Variants in LRP6 observed in about 807,000 individuals in gnomAD.
LRP6 encodes LDL receptor related protein 6.
In LRP6, 43 loss-of-function variants were observed where a neutral mutation model predicts 184.1. The observed-to-expected ratio is 0.23, with a 90% CI of 0.18 to 0.30. The LOEUF (loss-of-function observed/expected upper bound fraction) is 0.30. Ranked by LOEUF, LRP6 falls within the 10% of genes least tolerant of loss-of-function variation. LRP6 has a pLI of 1.00. For synonymous variants in LRP6, 719 were observed against 684.9 expected (o/e 1.05, Z -0.78); for missense variants, 1,571 against 2,005.3 (o/e 0.78, Z 4.14).
At chr12:12,186,888 T>C in intron 4 of LRP6, 35 bp downstream of exon 4, 1 of 1,583,868 alleles carries the variant, frequency 6.3e-7, no homozygotes, top group South Asian at 1.1e-5. Context: ...ACAAAGCTGT[T>C]CCAACTTGCA....
intron 7 of LRP6, among the ~76,000 whole-genome samples, chr12:12,176,209 G>C (rs995065690): frequency 3.3e-5 from 5 of 152,146 alleles, no homozygotes; most frequent in African/African-American, 1.2e-4. Context: ...ATCAGGAGGG[G>C]GGGTGGTGGC....
intron 2 of LRP6, among the ~76,000 whole-genome samples, chr12:12,218,285 C>A (rs905043597): frequency 5.9e-5 from 9 of 151,958 alleles, no homozygotes; most frequent in African/African-American, 2.2e-4. Context: ...CCAGCCTGGG[C>A]AACATAACGA....
intron 16 of LRP6, among the ~76,000 whole-genome samples, chr12:12,136,448 T>C (rs892565445): frequency 1.3e-5 from 2 of 152,256 alleles, no homozygotes; most frequent in Non-Finnish European, 2.9e-5. Flanking sequence ...AGGTAACTTG[T>C]AATACTATAA....
chr12:12,204,124 T>C (rs1453674528), intron 2 of LRP6, among the ~76,000 whole-genome samples: 1 of 152,140 alleles, frequency 6.6e-6, no homozygotes, highest in Non-Finnish European at 1.5e-5. Context: ...GATATACCTT[T>C]ACAGAACATA....
At chr12:12,145,618 CTTTTTCTTTTTTTT>C (rs1473704919) in intron 15 of LRP6, among the ~76,000 whole-genome samples, 3 of 80,512 alleles carry the variant, frequency 3.7e-5, no homozygotes, top group African/African-American at 1.4e-4. Flanking sequence ...TTTCTTTTTT[CTTTTTCTTTTTTTT>C]TTTTTTTTTT....
In LRP6 at chr12:12,165,283, C is replaced by A; in HGVS notation, c.1558G>T (p.Asp520Tyr). Reference sequence around the variant, plus strand: ...ACTAGTACTCGTCTCCCAGTGCCATCAGTATTCATAACCTTCAGGTTTAAA... The same window carrying A: ...ACTAGTACTCGTCTCCCAGTGCCATAAGTATTCATAACCTTCAGGTTTAAA... ...KTDKIEVMNT[D>Y]GTGRRVLVED... is the part of the protein sequence containing the mutation. The change falls in exon 8 of 23, where the codon GAT becomes TAT. Residue 520 changes from aspartate to tyrosine, a missense_variant. Transcript: ENST00000261349. The A allele has an allele frequency of 6.2e-7, 1 of 1,611,822 alleles. No homozygotes were observed. The highest frequency in any genetic ancestry group is 8.5e-7 in the Non-Finnish European group (1 of 1,178,096).
intron 2 of LRP6, among the ~76,000 whole-genome samples, chr12:12,240,432 C>A (rs559680984): frequency 1.3e-5 from 2 of 152,072 alleles, no homozygotes; most frequent in Non-Finnish European, 2.9e-5. Flanking sequence ...ATTAGCTAGG[C>A]AAAGTGGCAG....
rs202025526 is a variant in LRP6 at position 12,165,333 on chromosome 12, T to C, written c.1546-38A>G. ...ATTCAAAAGAGAAGGGGATGAATTATGCATTTATTCTTCAGCTAAAAATAA... is the reference window on the plus strand; with the variant it reads ...ATTCAAAAGAGAAGGGGATGAATTACGCATTTATTCTTCAGCTAAAAATAA... On this transcript the variant is annotated intron_variant, in intron 7 of 22. Transcript: ENST00000261349. 214 of 1,402,792 alleles carry C rather than the reference T, an allele frequency of 1.5e-4. 1 individual carries two copies. The African/African-American group carries it at 2.8e-3, about 18-fold the overall frequency. The allele number at this position is 1,402,792 out of a possible 1,614,324, so 86.9% of individuals were successfully genotyped here.
At chr12:12,193,903 C>T (rs1380523982) in intron 3 of LRP6, among the ~76,000 whole-genome samples, 1 of 152,110 alleles carries the variant, frequency 6.6e-6, no homozygotes, top group Admixed American at 6.5e-5. Context: ...AAACAGACTA[C>T]GGATTAATAT....
intron 2 of LRP6, among the ~76,000 whole-genome samples, chr12:12,223,221 C>CA (rs1373499808): frequency 6.6e-6 from 1 of 150,806 alleles, no homozygotes; most frequent in Admixed American, 6.6e-5. Context: ...TGAATTTTCC[C>CA]AAACCTTTTA....
intron 2 of LRP6, among the ~76,000 whole-genome samples, chr12:12,241,555 A>G (rs1442711517): frequency 6.6e-6 from 1 of 152,182 alleles, no homozygotes; most frequent in Non-Finnish European, 1.5e-5. Flanking sequence ...CGTTTTTAAA[A>G]TAACCATGAC....
At chr12:12,207,943 A>T (rs984931294) in intron 2 of LRP6, among the ~76,000 whole-genome samples, 5 of 152,230 alleles carry the variant, frequency 3.3e-5, no homozygotes, top group Admixed American at 6.5e-5. Flanking sequence ...AAAGCCAGGC[A>T]TAAGAAATAT....
chr12:12,129,645 C>T (rs1330390405), intron 19 of LRP6, among the ~76,000 whole-genome samples: 1 of 151,982 alleles, frequency 6.6e-6, no homozygotes, highest in African/African-American at 2.4e-5. Context: ...CTCCACCTCC[C>T]GGGTTCAAAC....
At chr12:12,155,821 A>T (rs1397986480) in intron 12 of LRP6, 1 of 664,092 alleles carries the variant, frequency 1.5e-6, no homozygotes. Flanking sequence ...AAAAAAAAAA[A>T]GGTTAAATAA....
At chr12:12,258,291 A>AT (rs1865521790) in intron 1 of LRP6, among the ~76,000 whole-genome samples, 2 of 152,118 alleles carry the variant, frequency 1.3e-5, no homozygotes, top group Admixed American at 6.5e-5. Context: ...TAATTTTTTA[A>AT]TTTTTTATAG....
At chr12:12,239,135 T>G (rs1451957420) in intron 2 of LRP6, among the ~76,000 whole-genome samples, 1 of 152,158 alleles carries the variant, frequency 6.6e-6, no homozygotes, top group Non-Finnish European at 1.5e-5. Flanking sequence ...GTTCTAGGAT[T>G]CAAGGGATAG....
chr12:12,116,689 C>T lies in LRP6; in HGVS notation c.*4437G>A, dbSNP rs950834039. ...AATCTAACAGTTCGTTAGGTCTGTACTCTGCTTCTAAATACAAGACATCAT... is the reference window on the plus strand; with the variant it reads ...AATCTAACAGTTCGTTAGGTCTGTATTCTGCTTCTAAATACAAGACATCAT... On this transcript the variant is annotated 3_prime_UTR_variant, in exon 23 of 23. Coordinates refer to ENST00000261349, the MANE Select transcript of LRP6 (RefSeq NM_002336.3). 6.6e-6 allele frequency: 1 copy of T among 152,200 alleles called. No individual in the cohort carries two copies. The highest frequency in any genetic ancestry group is 1.5e-5 in the Non-Finnish European group (1 of 68,054). The allele number at this position is 152,200 out of a possible 1,614,324, so 9.4% of individuals were successfully genotyped here. A position where few individuals can be genotyped will look rare whatever the true frequency, so the allele number is the denominator to read the frequency against.
chr12:12,194,936 G>A (rs1025403770), intron 3 of LRP6, among the ~76,000 whole-genome samples: 6 of 151,908 alleles, frequency 3.9e-5, no homozygotes, highest in African/African-American at 1.2e-4. Flanking sequence ...TTCCACATAC[G>A]AGTGAGAACA....
Position 12,129,701 on chromosome 12 carries a change from C to T in LRP6, c.4081+1082G>A, listed in dbSNP as rs538467188. ...CTGAGTAGCTGGGATTACAGGTGCCCGCCACCACGCCCAGCTAATTTTTGT... is the reference window on the plus strand; with the variant it reads ...CTGAGTAGCTGGGATTACAGGTGCCTGCCACCACGCCCAGCTAATTTTTGT... On this transcript the variant is annotated intron_variant, in intron 19 of 22. Transcript: ENST00000261349. 4.6e-5 allele frequency among the ~76,000 whole-genome samples: 7 copies of T among 152,058 alleles called. No homozygotes were observed. The South Asian group carries it at 1.5e-3, about 32-fold the overall frequency.
Sources: allele counts gnomAD v4.1 joint callset (sites outside exome capture counted in the v4.1 genomes callset), GRCh38; gene constraint gnomAD v4.1.1; transcripts MANE v1.5; gene names NCBI Gene and HGNC (gene_info 2026-07-23, HGNC 2026-07-21).